Variants in TANGO6 observed in about 807,000 individuals in gnomAD.
TANGO6 encodes the protein transport and Golgi organization protein 6 homolog.
A neutral mutation model predicts 114.2 loss-of-function variants in TANGO6; 90 were observed. The ratio of observed to expected loss-of-function variants is 0.79; its 90% CI spans 0.66 to 0.94. The LOEUF (loss-of-function observed/expected upper bound fraction) is 0.94, where lower values mean the gene tolerates loss of function less well. Ranked by LOEUF, TANGO6 falls within the 40% of genes least tolerant of loss-of-function variation. The pLI, the probability that TANGO6 is intolerant of heterozygous loss-of-function variation, is 0.00. For missense variants in TANGO6, 1,274 were observed against 1,315.3 expected, an observed-to-expected ratio of 0.97 and a Z score of 0.49; for synonymous variants, 477 against 509.8, an observed-to-expected ratio of 0.94 and a Z score of 0.87.
chr16:68,888,759 C>T (rs1207974040), intron 7 of TANGO6, among the ~76,000 whole-genome samples: 2 of 152,174 alleles, frequency 1.3e-5, no homozygotes, highest in African/African-American at 4.8e-5. Flanking sequence ...AATCTTAGAA[C>T]TGGAAGGAAC....
chr16:69,070,368 C>A (rs907573501), intron 17 of TANGO6, among the ~76,000 whole-genome samples: 2 of 151,918 alleles, frequency 1.3e-5, no homozygotes, highest in Non-Finnish European at 2.9e-5. Context: ...CGCAGTGGCT[C>A]ACGCCTGTAA....
chr16:69,074,698 T>A (rs1960345497), intron 17 of TANGO6, among the ~76,000 whole-genome samples: 1 of 151,934 alleles, frequency 6.6e-6, no homozygotes, highest in South Asian at 2.1e-4. Flanking sequence ...CATAAACATC[T>A]AGAGGTTAGG....
chr16:69,012,556 C>CAAAAAAAAAAAAAAA (rs1175561720), intron 15 of TANGO6, among the ~76,000 whole-genome samples: 2 of 36,506 alleles, frequency 5.5e-5, no homozygotes, highest in African/African-American at 2.1e-4. Context: ...AACTCTGTCT[C>CAAAAAAAAAAAAAAA]AAAAAAAAAA....
Position 69,028,211 on chromosome 16 carries a change from C to T in TANGO6, c.2994+5232C>T, listed in dbSNP as rs188322592. Among the ~76,000 whole-genome samples, 153 of 152,170 alleles carry T rather than the reference C, an allele frequency of 1.0e-3. 1 individual carries two copies. The highest frequency in any genetic ancestry group is 5.0e-3 in the South Asian group (24 of 4,824). On this transcript the variant is annotated intron_variant, in intron 16 of 17. Transcript: ENST00000261778. ...TTCACCTCAGGTGATCCATCCGCTT[C>T]GGGCCTCCCAAAGTGCTGGGATTAT...
At chr16:68,850,452 G>A (rs17690607) in intron 1 of TANGO6, among the ~76,000 whole-genome samples, 14,739 of 151,984 alleles carry the variant, frequency 0.097, 812 homozygotes, top group Non-Finnish European at 0.13. Flanking sequence ...ACTCATCCAG[G>A]TCTATAATCT....
intron 17 of TANGO6, among the ~76,000 whole-genome samples, chr16:69,073,956 A>G (rs1181911807): frequency 2.7e-5 from 4 of 145,696 alleles, no homozygotes; most frequent in Non-Finnish European, 6.0e-5. Flanking sequence ...GCAAGACTCC[A>G]TCTTAAAAAA....
At chr16:68,994,259 T>C (rs960325499) in intron 15 of TANGO6, among the ~76,000 whole-genome samples, 7 of 152,232 alleles carry the variant, frequency 4.6e-5, no homozygotes, top group Non-Finnish European at 1.0e-4. Context: ...TTATGGATTT[T>C]ATTTGCACAT....
At chr16:69,015,941 G>A (rs939943631) in intron 15 of TANGO6, among the ~76,000 whole-genome samples, 8 of 152,216 alleles carry the variant, frequency 5.3e-5, no homozygotes, top group African/African-American at 1.9e-4. Flanking sequence ...TGAATATAAA[G>A]CTTCTATTGC....
chr16:69,072,068 T>TGTGTAG (rs1555530579), intron 17 of TANGO6, among the ~76,000 whole-genome samples: 2 of 100,542 alleles, frequency 2.0e-5, no homozygotes, highest in African/African-American at 8.6e-5. Context: ...TGTGTGTGTG[T>TGTGTAG]AGAGAGAGGG....
chr16:69,070,354 C>T (rs968871353), intron 17 of TANGO6, among the ~76,000 whole-genome samples: 1 of 151,790 alleles, frequency 6.6e-6, no homozygotes, highest in African/African-American at 2.4e-5. Flanking sequence ...ATCTTGGGGC[C>T]AGGCGCAGTG....
chr16:68,957,834 A>G (rs1383115347), intron 14 of TANGO6, among the ~76,000 whole-genome samples: 3 of 152,216 alleles, frequency 2.0e-5, no homozygotes, highest in African/African-American at 4.8e-5. Flanking sequence ...ATAGATTTGA[A>G]AAATGAAATG....
chr16:69,062,113 T>TA (rs1960127235), intron 17 of TANGO6, among the ~76,000 whole-genome samples: 3 of 152,214 alleles, frequency 2.0e-5, no homozygotes. Context: ...AACAAATTTT[T>TA]AAAAATATTT....
intron 17 of TANGO6, among the ~76,000 whole-genome samples, chr16:69,078,782 C>T (rs185241563): frequency 1.4e-4 from 22 of 152,102 alleles, no homozygotes; most frequent in Non-Finnish European, 2.6e-4. Context: ...TGCTCTGTCA[C>T]GCATGCTGGA....
chr16:68,934,955 TG>T (rs1166476051), intron 14 of TANGO6, among the ~76,000 whole-genome samples: 2 of 152,174 alleles, frequency 1.3e-5, no homozygotes, highest in Non-Finnish European at 2.9e-5. Context: ...GCTAATTTGG[TG>T]ATGAAGAACA....
chr16:68,861,851 C>A (rs16958430), intron 2 of TANGO6, among the ~76,000 whole-genome samples: 1 of 152,034 alleles, frequency 6.6e-6, no homozygotes, highest in Non-Finnish European at 1.5e-5. Context: ...GAGAACTGTA[C>A]TGTTATGGCT....
At chr16:68,978,245 A>G (rs1190235410) in intron 15 of TANGO6, among the ~76,000 whole-genome samples, 1 of 152,190 alleles carries the variant, frequency 6.6e-6, no homozygotes. Flanking sequence ...CTAAAAGTAC[A>G]TATTTCAGAG....
At chr16:68,969,201 A>T (rs1047775099) in intron 14 of TANGO6, among the ~76,000 whole-genome samples, 1 of 152,120 alleles carries the variant, frequency 6.6e-6, no homozygotes, top group Admixed American at 6.6e-5. Context: ...TTGATGTGTG[A>T]TGTTTTCTTG....
chr16:69,007,738 TGTTTTCCAAA>T lies in TANGO6; in HGVS notation c.2843-15081_2843-15072del, dbSNP rs922632005. The stretch of plus-strand genomic sequence containing the variant: ...TTAACTTTTTGAGGAACTGCCAAAC[TGTTTTCCAAA>T]GTTTTCCATTTTACATTTTCACCAG... On this transcript the variant is annotated intron_variant, in intron 15 of 17. Coordinates refer to ENST00000261778, the MANE Select transcript of TANGO6 (RefSeq NM_024562.2). Among the ~76,000 whole-genome samples the T allele has an allele frequency of 6.1e-4, 93 of 152,344 alleles. 1 individual carries two copies. Among genetic ancestry groups the T allele is most frequent in the African/African-American group, 2.0e-3 (84 of 41,588 alleles).
At chr16:69,064,043 G>A (rs1229805514) in intron 17 of TANGO6, among the ~76,000 whole-genome samples, 1 of 151,720 alleles carries the variant, frequency 6.6e-6, no homozygotes, top group African/African-American at 2.4e-5. Context: ...CACCTTGTTG[G>A]CCAGGCTGGT....
Sources: allele counts gnomAD v4.1 joint callset (sites outside exome capture counted in the v4.1 genomes callset), GRCh38; gene constraint gnomAD v4.1.1; transcripts MANE v1.5; gene names NCBI Gene and HGNC (gene_info 2026-07-23, HGNC 2026-07-21).